SEC11A: variants seen among roughly 807,000 people sequenced by gnomAD.
SEC11A encodes SEC11 homolog A, signal peptidase complex subunit.
SEC11A carries 14 observed loss-of-function variants against 25.6 expected under a neutral mutation model. The observed-to-expected ratio is 0.55, with a 90% CI of 0.36 to 0.85. SEC11A has a LOEUF of 0.85. Among genes scored for constraint, SEC11A ranks in the 40% least tolerant of loss-of-function variants. SEC11A has a pLI of 0.01. For missense variants in SEC11A, 153 were observed against 222.9 expected (o/e 0.69, Z 2.00); for synonymous variants, 83 against 76.4 (o/e 1.09, Z -0.45).
At chr15:84,674,936 T>C (rs1596067706) in intron 4 of SEC11A, among the ~76,000 whole-genome samples, 1 of 152,128 alleles carries the variant, frequency 6.6e-6, no homozygotes, top group Non-Finnish European at 1.5e-5. Context: ...TTAGGAGTAA[T>C]ATAAGCAAGA....
intron 1 of SEC11A, among the ~76,000 whole-genome samples, chr15:84,710,561 T>TA (rs1169550586): frequency 2.6e-5 from 4 of 152,190 alleles, no homozygotes; most frequent in African/African-American, 9.6e-5. Context: ...TGTGTGAACC[T>TA]AGGAGGCAGA....
chr15:84,670,136 T>C lies in SEC11A; in HGVS notation c.490-67A>G, dbSNP rs1896944121. 6.0e-6 allele frequency: 9 copies of C among 1,495,324 alleles called. No individual in the cohort carries two copies. In the Admixed American group the frequency reaches 1.7e-4, roughly 27 times the overall value. The allele number at this position is 1,495,324 out of a possible 1,614,324, so 92.6% of individuals were successfully genotyped here. A position where few individuals can be genotyped will look rare whatever the true frequency, so the allele number is the denominator to read the frequency against. On this transcript the variant is annotated intron_variant, in intron 5 of 5. Transcript: ENST00000268220. ...AAAGTTCAGAGGTTCTAAGAGTTAA[T>C]TAACAAATTGGTCTTTGTGAATATA...
intron 1 of SEC11A, among the ~76,000 whole-genome samples, chr15:84,694,456 C>G (rs1433452142): frequency 6.6e-6 from 1 of 152,016 alleles, no homozygotes; most frequent in African/African-American, 2.4e-5. Context: ...ACATTTTCTA[C>G]TTCCCTTTTT....
intron 4 of SEC11A, among the ~76,000 whole-genome samples, chr15:84,680,391 T>C (rs1403952087): frequency 6.6e-6 from 1 of 152,126 alleles, no homozygotes; most frequent in Non-Finnish European, 1.5e-5. Flanking sequence ...AGTGTGGACG[T>C]AAGAGCACAT....
chr15:84,704,252 T>C (rs1232331597), intron 1 of SEC11A, among the ~76,000 whole-genome samples: 1 of 152,188 alleles, frequency 6.6e-6, no homozygotes, highest in Non-Finnish European at 1.5e-5. Flanking sequence ...TTATTCCTCA[T>C]TGTGGTATCC....
chr15:84,685,797 CTTTTTTTT>C (rs72000042), intron 3 of SEC11A: 44 of 90,768 alleles, frequency 4.8e-4, no homozygotes, highest in Middle Eastern at 5.4e-3. Context: ...AAATAAATTT[CTTTTTTTT>C]TTTTTTTTTT....
chr15:84,687,815 G>C (rs1897474935), intron 2 of SEC11A, 41 bp from the exon 3 acceptor site: 2 of 1,518,038 alleles, frequency 1.3e-6, no homozygotes, highest in Non-Finnish European at 8.9e-7. Context: ...AAGAAAGTAT[G>C]AGATTAAATG....
At chr15:84,710,358 G>A (rs1253074668) in intron 1 of SEC11A, among the ~76,000 whole-genome samples, 1 of 152,210 alleles carries the variant, frequency 6.6e-6, no homozygotes, top group Non-Finnish European at 1.5e-5. Context: ...TGTTGGCTGA[G>A]TGCAGTGGCT....
chr15:84,674,760 A>G (rs535149683), intron 4 of SEC11A, among the ~76,000 whole-genome samples: 2 of 151,994 alleles, frequency 1.3e-5, no homozygotes, highest in African/African-American at 4.8e-5. Flanking sequence ...GCATCTCACT[A>G]CCTTGCTCAG....
chr15:84,697,384 T>A (rs552012449), intron 1 of SEC11A, among the ~76,000 whole-genome samples: 2 of 152,350 alleles, frequency 1.3e-5, no homozygotes, highest in East Asian at 3.9e-4. Context: ...ATAATACTTT[T>A]ATTATGGAAT....
At chr15:84,699,316 C>T (rs1015333375) in intron 1 of SEC11A, among the ~76,000 whole-genome samples, 10 of 89,082 alleles carry the variant, frequency 1.1e-4, no homozygotes, top group African/African-American at 4.0e-4. Context: ...CTCTTGTCTC[C>T]AAAAAAAAAA....
intron 2 of SEC11A, 89 bp from the exon 3 acceptor site, chr15:84,687,863 T>C (rs999410255): frequency 8.8e-7 from 1 of 1,139,796 alleles, no homozygotes. Context: ...ATAAAAAATA[T>C]CACTTTGGGA....
intron 1 of SEC11A, among the ~76,000 whole-genome samples, chr15:84,706,512 G>A (rs1206161962): frequency 6.6e-6 from 1 of 152,100 alleles, no homozygotes; most frequent in African/African-American, 2.4e-5. Context: ...GACTTCTTAT[G>A]ACAACCCTTC....
At chr15:84,710,961 T>C (rs1232322593) in intron 1 of SEC11A, among the ~76,000 whole-genome samples, 2 of 151,814 alleles carry the variant, frequency 1.3e-5, no homozygotes, top group Non-Finnish European at 1.5e-5. Context: ...TCCCAGCTAC[T>C]TGGGAAGCTG....
chr15:84,687,635 T>C lies in SEC11A; in HGVS notation c.301A>G (p.Ile101Val). 6.4e-7 allele frequency: 1 copy of C among 1,573,468 alleles called. No homozygotes were observed. Among genetic ancestry groups the C allele is most frequent in the Non-Finnish European group, 8.5e-7 (1 of 1,169,886 alleles). Reference protein sequence around the residue: ...EIPIVHRVLKIHEKQNGHIKF... With the variant: ...EIPIVHRVLKVHEKQNGHIKF... ...ATACTTTGCACATACTTTTCATGAA[T>C]CTTCAAGACTCGGTGAACTATAGGA... The change falls in exon 3 of 6, where the codon ATT becomes GTT. Residue 101 changes from isoleucine (I) to valine (V), a missense_variant. By Grantham distance (29) the Ile-to-Val change is conservative (BLOSUM62 3). Transcript: ENST00000268220.
chr15:84,671,899 G>C (rs1044812751), intron 4 of SEC11A: 13 of 152,338 alleles, frequency 8.5e-5, no homozygotes, highest in African/African-American at 2.6e-4. Flanking sequence ...ACGGCAGAAA[G>C]AGAAAATTAG....
chr15:84,693,463 CT>C (rs11453399), intron 1 of SEC11A, among the ~76,000 whole-genome samples: 17 of 143,686 alleles, frequency 1.2e-4, no homozygotes, highest in Admixed American at 2.1e-4. Flanking sequence ...TTTTTCTCTT[CT>C]TTTTTTTTTT....
intron 2 of SEC11A, among the ~76,000 whole-genome samples, chr15:84,688,846 C>T (rs1897507882): frequency 6.6e-6 from 1 of 152,058 alleles, no homozygotes; most frequent in Non-Finnish European, 1.5e-5. Flanking sequence ...GCCTGATCAA[C>T]ACAGTGAAAC....
chr15:84,713,190 T>C (rs2141932108), intron 1 of SEC11A, among the ~76,000 whole-genome samples: 1 of 140,086 alleles, frequency 7.1e-6, no homozygotes, highest in South Asian at 2.2e-4. Context: ...TGAGACTCCG[T>C]CTCAAAAAAA....
Sources: gnomAD v4.1 joint callset for allele counts (sites outside exome capture counted in the v4.1 genomes callset) on GRCh38, gnomAD v4.1.1 for gene constraint, MANE v1.5 for transcripts, NCBI Gene and HGNC (gene_info 2026-07-23, HGNC 2026-07-21) for gene names.